Variants in CNTN5 observed in about 807,000 individuals in gnomAD.
CNTN5 encodes contactin 5, also known as contactin-5.
A neutral mutation model predicts 129.1 loss-of-function variants in CNTN5; 77 were observed. The ratio of observed to expected loss-of-function variants is 0.60; its 90% CI spans 0.50 to 0.72. CNTN5 has a LOEUF of 0.72. CNTN5 is among the 30% of genes least tolerant of loss of function. The pLI, the probability that CNTN5 is intolerant of heterozygous loss-of-function variation, is 0.00. For synonymous variants in CNTN5, 509 were observed against 465.6 expected (o/e 1.09, Z -1.20); for missense variants, 1,478 against 1,328.8 (o/e 1.11, Z -1.75).
At chr11:99,228,003 G>A (rs1211509555) in intron 1 of CNTN5, among the ~76,000 whole-genome samples, 1 of 151,944 alleles carries the variant, frequency 6.6e-6, no homozygotes, top group Non-Finnish European at 1.5e-5. Flanking sequence ...TAATTCTTAT[G>A]TGACATTTTA....
chr11:99,544,330 G>C (rs1948218139), intron 2 of CNTN5, among the ~76,000 whole-genome samples: 1 of 152,102 alleles, frequency 6.6e-6, no homozygotes, highest in South Asian at 2.1e-4. Flanking sequence ...GAGATTTAGA[G>C]GTTACAACAT....
At chr11:99,223,133 A>G (rs1037170728) in intron 1 of CNTN5, among the ~76,000 whole-genome samples, 2 of 152,138 alleles carry the variant, frequency 1.3e-5, no homozygotes, top group African/African-American at 4.8e-5. Flanking sequence ...TGTCGATAGC[A>G]AAGCCCTCTC....
chr11:99,791,761 A>T (rs1264470663), intron 3 of CNTN5, among the ~76,000 whole-genome samples: 2 of 151,726 alleles, frequency 1.3e-5, no homozygotes, highest in Non-Finnish European at 2.9e-5. Context: ...ATATTTTTCT[A>T]TTTGTCTTTT....
chr11:99,863,931 G>C (rs900035201), intron 6 of CNTN5, among the ~76,000 whole-genome samples: 2 of 152,104 alleles, frequency 1.3e-5, no homozygotes, highest in African/African-American at 4.8e-5. Flanking sequence ...TACACAGAGT[G>C]AATCTTGGGC....
chr11:99,444,253 G>T (rs769630034), intron 2 of CNTN5, among the ~76,000 whole-genome samples: 1 of 151,992 alleles, frequency 6.6e-6, no homozygotes, highest in Non-Finnish European at 1.5e-5. Flanking sequence ...TATATCATTT[G>T]TTAATTAACT....
rs1555145294 is a variant in CNTN5, at chr11:99,439,721, A to AAG, written c.-71+114238_-71+114239insGA. On this transcript the variant is annotated intron_variant, in intron 2 of 24. Transcript: ENST00000524871. ...AGACTCTGTCTCAAAAAAAAAAAAA[A>AAG]AAAAGAAAAAGAAAAAAAGAAATAT... Among the ~76,000 whole-genome samples the AAG allele has an allele frequency of 1.2e-3, 175 of 145,726 alleles. 2 individuals are homozygous for AAG. Among genetic ancestry groups the AAG allele is most frequent in the Middle Eastern group, 3.5e-3 (1 of 282 alleles).
At chr11:99,455,080 G>A (rs1222931448) in intron 2 of CNTN5, among the ~76,000 whole-genome samples, 1 of 152,140 alleles carries the variant, frequency 6.6e-6, no homozygotes, top group Non-Finnish European at 1.5e-5. Context: ...AACCTGAAAG[G>A]TGCTCAGATA....
At chr11:99,291,606 G>A (rs767908392) in intron 1 of CNTN5, among the ~76,000 whole-genome samples, 23 of 151,912 alleles carry the variant, frequency 1.5e-4, no homozygotes, top group African/African-American at 3.4e-4. Context: ...AAAAGTGTAC[G>A]ATTATATAAC....
At chr11:99,497,366 A>G (rs953943313) in intron 2 of CNTN5, among the ~76,000 whole-genome samples, 2 of 150,620 alleles carry the variant, frequency 1.3e-5, no homozygotes, top group East Asian at 1.9e-4. Flanking sequence ...ACAAGGGAAC[A>G]CTGCCTTTGA....
At chr11:99,706,444 G>T (rs944907296) in intron 3 of CNTN5, among the ~76,000 whole-genome samples, 1 of 151,368 alleles carries the variant, frequency 6.6e-6, no homozygotes, top group African/African-American at 2.4e-5. Flanking sequence ...TAGCTTAATA[G>T]CTTTCTTATT....
At chr11:100,204,095 G>A (rs922742420) in intron 15 of CNTN5, among the ~76,000 whole-genome samples, 5 of 150,460 alleles carry the variant, frequency 3.3e-5, no homozygotes, top group African/African-American at 7.3e-5. Flanking sequence ...TTAAACATTT[G>A]CTCAGTTTTT....
At chr11:99,965,049 G>C (rs978531188) in intron 8 of CNTN5, among the ~76,000 whole-genome samples, 30 of 151,852 alleles carry the variant, frequency 2.0e-4, no homozygotes, top group African/African-American at 7.0e-4. Flanking sequence ...ATTCTTCTCT[G>C]TTTTCTTCTT....
At chr11:99,562,647 A>G (rs1461117663) in intron 3 of CNTN5, among the ~76,000 whole-genome samples, 20 of 152,184 alleles carry the variant, frequency 1.3e-4, no homozygotes, top group Admixed American at 1.3e-3. Context: ...ATAAGACTAC[A>G]GTGAAGATTA....
At chr11:100,037,505 C>T (rs1366679587) in intron 9 of CNTN5, among the ~76,000 whole-genome samples, 3 of 152,156 alleles carry the variant, frequency 2.0e-5, no homozygotes, top group African/African-American at 7.2e-5. Flanking sequence ...GGAGGATTCC[C>T]TCTTTTTCTA....
Position 99,953,548 on chromosome 11 carries a change from G to A in CNTN5, c.674-3258G>A, listed in dbSNP as rs1481648116. Among the ~76,000 whole-genome samples the A allele has an allele frequency of 3.3e-5, 5 of 152,154 alleles. No individual in the cohort carries two copies. In the East Asian group the frequency reaches 7.7e-4, roughly 23 times the overall value. On this transcript the variant is annotated intron_variant, in intron 7 of 24. Coordinates refer to ENST00000524871, the MANE Select transcript of CNTN5 (RefSeq NM_014361.4). ...ACTAAAATCCAAAGTATACTCTCTG[G>A]TGTTAACCCTGAGGAGATCTTGGAA...
chr11:99,492,887 C>T (rs1460990994), intron 2 of CNTN5, among the ~76,000 whole-genome samples: 1 of 152,144 alleles, frequency 6.6e-6, no homozygotes. Context: ...ACCGTTTGTT[C>T]AGATTCTTCT....
intron 3 of CNTN5, among the ~76,000 whole-genome samples, chr11:99,561,219 C>A (rs1353702003): frequency 6.6e-6 from 1 of 151,976 alleles, no homozygotes; most frequent in African/African-American, 2.4e-5. Flanking sequence ...ATATGAGAGT[C>A]TGGTGTGTCA....
At chr11:99,873,093 C>T (rs925422832) in intron 6 of CNTN5, among the ~76,000 whole-genome samples, 1 of 122 alleles carries the variant, frequency 8.2e-3, no homozygotes, top group Non-Finnish European at 0.019. Context: ...TTTGTAACTG[C>T]CACCCAGGCA....
chr11:99,118,114 T>C (rs563585623), intron 1 of CNTN5, among the ~76,000 whole-genome samples: 2 of 152,252 alleles, frequency 1.3e-5, no homozygotes, highest in South Asian at 2.1e-4. Context: ...AGGAATGGAA[T>C]TGTGGGTCAT....
Sources: allele counts gnomAD v4.1 joint callset (sites outside exome capture counted in the v4.1 genomes callset), GRCh38; gene constraint gnomAD v4.1.1; transcripts MANE v1.5; gene names NCBI Gene and HGNC (gene_info 2026-07-23, HGNC 2026-07-21).